Variants in ATL2 observed in about 807,000 individuals in gnomAD.
ATL2 encodes the protein atlastin GTPase 2.
A neutral mutation model predicts 73.9 loss-of-function variants in ATL2; 31 were observed. The ratio of observed to expected loss-of-function variants is 0.42; its 90% CI spans 0.32 to 0.57. The LOEUF (loss-of-function observed/expected upper bound fraction) is 0.57. Ranked by LOEUF, ATL2 falls within the 20% of genes least tolerant of loss-of-function variation. The probability of loss-of-function intolerance (pLI) is 0.14; values close to 1 mark genes in which losing one functional copy is unlikely to be tolerated. For synonymous variants in ATL2, 291 were observed against 237.5 expected (o/e 1.23, Z -2.07); for missense variants, 738 against 702.6 (o/e 1.05, Z -0.57).
At chr2:38,378,473 G>A (rs540413907), upstream of ATL2, among the ~76,000 whole-genome samples, 1 of 152,214 alleles carries the variant, frequency 6.6e-6, no homozygotes, top group East Asian at 1.9e-4. Flanking sequence ...TACTGACCTC[G>A]TGATCCACCC....
chr2:38,362,247 A>T (rs976554185), intron 1 of ATL2, among the ~76,000 whole-genome samples: 8 of 152,226 alleles, frequency 5.3e-5, no homozygotes, highest in Admixed American at 4.6e-4. Flanking sequence ...CTAGATGTTT[A>T]GGAAAAAACT....
intron 1 of ATL2, among the ~76,000 whole-genome samples, chr2:38,368,466 G>T (rs1443470675): frequency 6.6e-6 from 1 of 151,644 alleles, no homozygotes; most frequent in Non-Finnish European, 1.5e-5. Context: ...TGGTCAGGCT[G>T]GTCTCGAACT....
chr2:38,317,461 G>C (rs1455821861), intron 4 of ATL2, among the ~76,000 whole-genome samples: 1 of 152,022 alleles, frequency 6.6e-6, no homozygotes, highest in Non-Finnish European at 1.5e-5. Flanking sequence ...AACTAGAACC[G>C]GATAGAACAC....
At chr2:38,363,577 T>C (rs1671134957) in intron 1 of ATL2, among the ~76,000 whole-genome samples, 2 of 152,210 alleles carry the variant, frequency 1.3e-5, no homozygotes, top group Non-Finnish European at 2.9e-5. Context: ...AATAAAAGTA[T>C]ATTTGCCCAT....
At chr2:38,320,755 G>A (rs954991715) in intron 2 of ATL2, among the ~76,000 whole-genome samples, 16 of 152,122 alleles carry the variant, frequency 1.1e-4, no homozygotes, top group Admixed American at 3.3e-4. Flanking sequence ...ATTACAAAGC[G>A]TGAATTAGGA....
In ATL2 at chr2:38,309,407, G is replaced by T; in HGVS notation, c.1043C>A (p.Thr348Asn). Reference protein sequence around the residue: ...VEKEISGSKVTCRDLVEYFKA... With the variant: ...VEKEISGSKVNCRDLVEYFKA... ...AAAATATTCTACAAGATCTCTACAA[G>T]TGACTTTAGATCCACTTATCTCTTT... Residue 348 changes from threonine (T) to asparagine (N), a missense_variant, in exon 9 of 13, where the codon ACT becomes AAT. Thr to Asn is a moderately conservative substitution (Grantham distance 65, BLOSUM62 0). Transcript: ENST00000378954. 6.2e-7 allele frequency: 1 copy of T among 1,611,288 alleles called. No individual in the cohort carries two copies. The highest frequency in any genetic ancestry group is 8.5e-7 in the Non-Finnish European group (1 of 1,179,562).
intron 1 of ATL2, among the ~76,000 whole-genome samples, chr2:38,359,123 C>T (rs1670859089): frequency 6.6e-6 from 1 of 152,168 alleles, no homozygotes; most frequent in South Asian, 2.1e-4. Flanking sequence ...CTCCCTTAGA[C>T]TTGTCCCTTT....
In ATL2 at chr2:38,295,783, C is replaced by T. The variant is rs796988656; in HGVS notation, c.*211G>A. ...CACAAAGGTGCATGATTAACCAATG[C>T]TCCTCAGTCCATCTGCATGTCTTAG... On this transcript the variant is annotated 3_prime_UTR_variant, in exon 13 of 13. Transcript: ENST00000378954. 4.7e-6 allele frequency: 2 copies of T among 421,446 alleles called. No homozygotes were observed. Among genetic ancestry groups the T allele is most frequent in the Non-Finnish European group, 8.5e-6 (2 of 235,342 alleles). 26.1% of individuals were successfully genotyped at this position (421,446 alleles called of 1,614,324 possible).
intron 9 of ATL2, among the ~76,000 whole-genome samples, chr2:38,303,619 G>C (rs1045720139): frequency 7.2e-5 from 11 of 152,120 alleles, no homozygotes; most frequent in African/African-American, 2.2e-4. Flanking sequence ...ACAAGATCTA[G>C]AAAATAGCCC....
chr2:38,297,348 C>G (rs933922508), intron 12 of ATL2, among the ~76,000 whole-genome samples: 2 of 152,124 alleles, frequency 1.3e-5, no homozygotes, highest in African/African-American at 4.8e-5. Context: ...CCTATTATAG[C>G]GTTCGTCATT....
intron 8 of ATL2, 60 bp downstream of exon 8, chr2:38,310,249 T>C (rs1302089812): frequency 3.2e-6 from 5 of 1,572,788 alleles, no homozygotes; most frequent in Non-Finnish European, 4.3e-6. Context: ...TGTATTTTCT[T>C]AAAAAACTTT....
intron 1 of ATL2, among the ~76,000 whole-genome samples, chr2:38,344,213 G>A (rs1038071952): frequency 6.6e-6 from 1 of 151,056 alleles, no homozygotes; most frequent in Non-Finnish European, 1.5e-5. Flanking sequence ...AACTAAAGAG[G>A]GGAAAAATCA....
intron 1 of ATL2, among the ~76,000 whole-genome samples, chr2:38,374,004 G>A (rs1671828709): frequency 6.6e-6 from 1 of 152,134 alleles, no homozygotes; most frequent in Non-Finnish European, 1.5e-5. Flanking sequence ...CGATTCTCCT[G>A]CCTCAGCCTC....
At chr2:38,335,426 C>T (rs1669295584) in intron 2 of ATL2, among the ~76,000 whole-genome samples, 1 of 152,160 alleles carries the variant, frequency 6.6e-6, no homozygotes, top group African/African-American at 2.4e-5. Context: ...CAACATATTT[C>T]TGACACATGT....
At chr2:38,304,205 G>C (rs1178769617) in intron 9 of ATL2, among the ~76,000 whole-genome samples, 2 of 152,166 alleles carry the variant, frequency 1.3e-5, no homozygotes, top group South Asian at 2.1e-4. Context: ...TCTGGGAGTA[G>C]ACTTCTCAGC....
At position 38,295,954 on chromosome 2, in the gene ATL2, T is replaced by TG. The variant is rs1666867054; in HGVS notation, c.*39dup. 2 of 1,439,494 alleles carry TG rather than the reference T, an allele frequency of 1.4e-6. No homozygotes were observed. Among genetic ancestry groups the TG allele is most frequent in the Admixed American group, 2.1e-5 (1 of 46,916 alleles). 89.2% of individuals were successfully genotyped at this position (1,439,494 alleles called of 1,614,324 possible). ...TTGAGTTCTCATTGTACAGCAAGCATGAAAAAAAAAGAGAGTGGAGTCCGT... is the reference window on the plus strand; with the variant it reads ...TTGAGTTCTCATTGTACAGCAAGCATGGAAAAAAAAAGAGAGTGGAGTCCGT... On this transcript the variant is annotated 3_prime_UTR_variant, in exon 13 of 13. Coordinates refer to ENST00000378954, the MANE Select transcript of ATL2 (RefSeq NM_001135673.4).
intron 9 of ATL2, among the ~76,000 whole-genome samples, chr2:38,302,736 T>C (rs2148407422): frequency 6.6e-6 from 1 of 152,124 alleles, no homozygotes; most frequent in South Asian, 2.1e-4. Context: ...TCTACAAATC[T>C]GCAAGAGCCA....
chr2:38,365,891 G>C lies in ATL2; in HGVS notation c.118+11252C>G, dbSNP rs1411915840. ...GAATCTGGGAAGCAGAGGTTGCAGT[G>C]AGCCAAGATCGCGCCATTGCACTCC... is the stretch of plus-strand genomic sequence containing the variant. On this transcript the variant is annotated intron_variant, in intron 1 of 12. Transcript: ENST00000378954. Among the ~76,000 whole-genome samples, 3 of 151,962 alleles carry C rather than the reference G, an allele frequency of 2.0e-5. No individual in the cohort carries two copies. In the East Asian group the frequency reaches 5.8e-4, roughly 29 times the overall value.
chr2:38,349,388 T>G (rs936223817), intron 1 of ATL2, among the ~76,000 whole-genome samples: 1 of 150,514 alleles, frequency 6.6e-6, no homozygotes, highest in African/African-American at 2.4e-5. Flanking sequence ...ATGGATGAAA[T>G]TGGAAATCAT....
Sources: gnomAD v4.1 joint callset for allele counts (sites outside exome capture counted in the v4.1 genomes callset) on GRCh38, gnomAD v4.1.1 for gene constraint, MANE v1.5 for transcripts, NCBI Gene and HGNC (gene_info 2026-07-23, HGNC 2026-07-21) for gene names.